IMMP2L: variants seen among roughly 807,000 people sequenced by gnomAD.
IMMP2L encodes inner mitochondrial membrane peptidase subunit 2.
IMMP2L carries 18 observed loss-of-function variants against 19.3 expected under a neutral mutation model. The ratio of observed to expected loss-of-function variants is 0.93; its 90% CI spans 0.64 to 1.38. The LOEUF (loss-of-function observed/expected upper bound fraction) is 1.38, where lower values mean the gene tolerates loss of function less well. IMMP2L is among the 40% of genes most tolerant of loss of function. The pLI, the probability that IMMP2L is intolerant of heterozygous loss-of-function variation, is 0.00. For synonymous variants in IMMP2L, 76 were observed against 73.0 expected, an observed-to-expected ratio of 1.04 and a Z score of -0.21; for missense variants, 233 against 218.2, an observed-to-expected ratio of 1.07 and a Z score of -0.43.
intron 2 of IMMP2L, among the ~76,000 whole-genome samples, chr7:111,519,158 C>T (rs907816251): frequency 5.3e-5 from 8 of 152,090 alleles, no homozygotes; most frequent in African/African-American, 1.4e-4. Context: ...CTCTCTCAGG[C>T]GGTGAAGAAA....
chr7:111,335,541 A>G (rs1826314882), intron 3 of IMMP2L, among the ~76,000 whole-genome samples: 1 of 152,170 alleles, frequency 6.6e-6, no homozygotes, highest in Admixed American at 6.6e-5. Context: ...AGATATCTCC[A>G]AGATCACTAA....
chr7:111,374,156 G>T (rs1310347236), intron 3 of IMMP2L, among the ~76,000 whole-genome samples: 1 of 152,004 alleles, frequency 6.6e-6, no homozygotes, highest in East Asian at 1.9e-4. Context: ...TCCAAAAATT[G>T]CTCACATGCT....
At chr7:110,764,136 C>A (rs1182986110) in intron 5 of IMMP2L, among the ~76,000 whole-genome samples, 1 of 152,062 alleles carries the variant, frequency 6.6e-6, no homozygotes, top group Non-Finnish European at 1.5e-5. Flanking sequence ...GGTAACAGAA[C>A]TGGATAACTA....
intron 5 of IMMP2L, among the ~76,000 whole-genome samples, chr7:110,830,154 G>T (rs970863044): frequency 6.6e-6 from 1 of 152,066 alleles, no homozygotes; most frequent in Non-Finnish European, 1.5e-5. Flanking sequence ...GGTTAAAAAA[G>T]GAATGATTTG....
intron 5 of IMMP2L, among the ~76,000 whole-genome samples, chr7:110,818,627 G>T (rs1175999625): frequency 1.3e-5 from 2 of 152,094 alleles, no homozygotes; most frequent in Non-Finnish European, 2.9e-5. Flanking sequence ...TATACCCAAA[G>T]GGTTATAATC....
intron 4 of IMMP2L, among the ~76,000 whole-genome samples, chr7:110,947,013 C>A (rs1817324472): frequency 1.3e-5 from 2 of 152,048 alleles, no homozygotes; most frequent in Admixed American, 1.3e-4. Context: ...AGCCACCGCG[C>A]CTGGCCTAAT....
intron 3 of IMMP2L, among the ~76,000 whole-genome samples, chr7:111,348,967 T>C (rs985128627): frequency 1.3e-5 from 2 of 152,168 alleles, no homozygotes; most frequent in Non-Finnish European, 2.9e-5. Context: ...AGTATTTATT[T>C]CCTTCCCAAG....
intron 3 of IMMP2L, among the ~76,000 whole-genome samples, chr7:111,274,717 T>C (rs1156841200): frequency 6.6e-6 from 1 of 152,188 alleles, no homozygotes; most frequent in Non-Finnish European, 1.5e-5. Flanking sequence ...TATACTGCTG[T>C]GGTTGTTTTC....
intron 3 of IMMP2L, among the ~76,000 whole-genome samples, chr7:111,254,449 A>G (rs1311989763): frequency 3.3e-5 from 5 of 152,094 alleles, no homozygotes; most frequent in Non-Finnish European, 7.4e-5. Flanking sequence ...AATGAACACA[A>G]AAATGCTATT....
intron 3 of IMMP2L, among the ~76,000 whole-genome samples, chr7:111,040,836 A>C (rs1585905625): frequency 2.0e-5 from 3 of 151,464 alleles, no homozygotes; most frequent in Non-Finnish European, 4.4e-5. Flanking sequence ...TGCATAACAA[A>C]AGATGTATAA....
At chr7:111,554,778 T>A (rs1791073700) in intron 1 of IMMP2L, among the ~76,000 whole-genome samples, 1 of 152,062 alleles carries the variant, frequency 6.6e-6, no homozygotes, top group South Asian at 2.1e-4. Flanking sequence ...CATGCCTGAC[T>A]AATTTTTGTA....
At chr7:111,368,908 T>C (rs554435138) in intron 3 of IMMP2L, among the ~76,000 whole-genome samples, 2 of 152,048 alleles carry the variant, frequency 1.3e-5, no homozygotes, top group African/African-American at 4.8e-5. Context: ...AAGTGTGAAT[T>C]CATTCTGGTC....
At chr7:111,103,618 A>G (rs767925195) in intron 3 of IMMP2L, among the ~76,000 whole-genome samples, 16 of 151,594 alleles carry the variant, frequency 1.1e-4, no homozygotes, top group Non-Finnish European at 1.5e-4. Context: ...CTGTTCCAAT[A>G]TTTTCACCTG....
At chr7:111,236,901 T>C (rs1032621226) in intron 3 of IMMP2L, among the ~76,000 whole-genome samples, 1 of 152,170 alleles carries the variant, frequency 6.6e-6, no homozygotes, top group African/African-American at 2.4e-5. Context: ...CTCCCTTTCA[T>C]ACGGTGTATC....
At chr7:110,912,750 T>C (rs1813195748) in intron 4 of IMMP2L, among the ~76,000 whole-genome samples, 1 of 152,070 alleles carries the variant, frequency 6.6e-6, no homozygotes, top group Non-Finnish European at 1.5e-5. Context: ...TCGTGAAAAG[T>C]AGTTGCTACT....
At chr7:111,181,087 A>T (rs1807656242) in intron 3 of IMMP2L, among the ~76,000 whole-genome samples, 1 of 151,994 alleles carries the variant, frequency 6.6e-6, no homozygotes, top group South Asian at 2.1e-4. Flanking sequence ...GCCTATTTAA[A>T]TATAATTAGG....
intron 5 of IMMP2L, among the ~76,000 whole-genome samples, chr7:110,690,906 T>A (rs190488660): frequency 1.5e-3 from 221 of 152,216 alleles, no homozygotes; most frequent in African/African-American, 5.0e-3. Flanking sequence ...CAAAGCAATC[T>A]ACAGATTGAA....
At chr7:111,184,075 G>A (rs1808005165) in intron 3 of IMMP2L, among the ~76,000 whole-genome samples, 1 of 151,942 alleles carries the variant, frequency 6.6e-6, no homozygotes, top group Non-Finnish European at 1.5e-5. Context: ...TCCATAAGTA[G>A]TAGTTATTAT....
chr7:111,129,200 T>A (rs1801612132), intron 3 of IMMP2L, among the ~76,000 whole-genome samples: 2 of 152,044 alleles, frequency 1.3e-5, no homozygotes, highest in African/African-American at 4.8e-5. Context: ...CCATCAAAAA[T>A]ATGAGGAAAT....
Sources: gnomAD v4.1 joint callset for allele counts (sites outside exome capture counted in the v4.1 genomes callset) on GRCh38, gnomAD v4.1.1 for gene constraint, MANE v1.5 for transcripts, NCBI Gene and HGNC (gene_info 2026-07-23, HGNC 2026-07-21) for gene names.